Variants in NPAS3 observed in about 807,000 individuals in gnomAD.
NPAS3 encodes the protein neuronal PAS domain-containing protein 3.
In NPAS3, 14 loss-of-function variants were observed where a neutral mutation model predicts 73.1. The ratio of observed to expected loss-of-function variants is 0.19; its 90% confidence interval spans 0.13 to 0.30. NPAS3 has a LOEUF of 0.30. Ranked by LOEUF, NPAS3 falls within the 10% of genes least tolerant of loss-of-function variation. The pLI, the probability that NPAS3 is intolerant of heterozygous loss-of-function variation, is 1.00. For synonymous variants in NPAS3, 620 were observed against 541.5 expected, an observed-to-expected ratio of 1.14 and a Z score of -2.01; for missense variants, 1,096 against 1,250.0, an observed-to-expected ratio of 0.88 and a Z score of 1.86.
rs150444491 is a variant in NPAS3, at chr14:33,204,337, G to A, written c.141-10845G>A. Among the ~76,000 whole-genome samples, 433 of 152,182 alleles carry A rather than the reference G, an allele frequency of 2.8e-3. 2 individuals carry two copies. Among genetic ancestry groups the A allele is most frequent in the African/African-American group, 9.9e-3 (412 of 41,502 alleles). ...TGCCATAGAGCCACCCTACCAGCAA[G>A]GGCCAAACCTACTGGAGATGGGAAG... is the stretch of plus-strand genomic sequence containing the variant. On this transcript the variant is annotated intron_variant, in intron 2 of 11. Coordinates refer to ENST00000356141, the Ensembl canonical transcript of NPAS3.
intron 4 of NPAS3, among the ~76,000 whole-genome samples, chr14:33,530,537 G>T (rs910096544): frequency 6.6e-5 from 10 of 152,008 alleles, no homozygotes; most frequent in African/African-American, 2.4e-4. Flanking sequence ...TTTCAAATTT[G>T]CAAGTTGTCA....
chr14:33,042,464 T>G (rs118178718), intron 1 of NPAS3, among the ~76,000 whole-genome samples: 1,586 of 152,324 alleles, frequency 0.01, 29 homozygotes, highest in Non-Finnish European at 0.01. Flanking sequence ...TTTGTGAAAT[T>G]TTATTAAGAT....
intron 4 of NPAS3, among the ~76,000 whole-genome samples, chr14:33,475,303 T>G (rs750030003): frequency 1.3e-5 from 2 of 152,176 alleles, no homozygotes; most frequent in African/African-American, 2.4e-5. Flanking sequence ...TTTCCCCTTT[T>G]GTTGTGTTTG....
At chr14:33,079,445 A>C (rs1016690171) in intron 2 of NPAS3, among the ~76,000 whole-genome samples, 26 of 150,316 alleles carry the variant, frequency 1.7e-4, no homozygotes, top group African/African-American at 6.1e-4. Flanking sequence ...CAGCCTCCCG[A>C]GTAGCTGGGA....
intron 5 of NPAS3, among the ~76,000 whole-genome samples, chr14:33,657,669 C>G (rs1438718263): frequency 6.6e-6 from 1 of 152,182 alleles, no homozygotes; most frequent in African/African-American, 2.4e-5. Context: ...TAATACTTCC[C>G]TAGACCCGGT....
rs762217996 is a variant in NPAS3, at chr14:33,800,956, A to G, written c.2649A>G (p.Gly883=). The G allele has an allele frequency of 2.7e-5, 43 of 1,602,382 alleles. No homozygotes were observed. Among genetic ancestry groups the G allele is most frequent in the Non-Finnish European group, 3.6e-5 (42 of 1,175,210 alleles). ...ACGTGCACCGGCTCAACATGTCAGG[A>G]CCGTTCGGCGGCGCAGTGAGCGCAG... is the stretch of plus-strand genomic sequence containing the variant. Residue 883 remains glycine, a synonymous_variant, in exon 12 of 12, where the codon GGA becomes GGG. Transcript: ENST00000356141. This position sits in a 1 kb window ranked among gnomAD's most constrained non-coding sequence, Gnocchi z 6.5.
At chr14:33,213,248 T>G (rs548215059) in intron 2 of NPAS3, among the ~76,000 whole-genome samples, 38 of 142,560 alleles carry the variant, frequency 2.7e-4, no homozygotes, top group African/African-American at 9.6e-4. Context: ...CAAAAAAAAA[T>G]TGTAAGTTTA....
intron 2 of NPAS3, among the ~76,000 whole-genome samples, chr14:33,119,099 A>G (rs982879363): frequency 2.6e-5 from 4 of 152,036 alleles, no homozygotes; most frequent in Non-Finnish European, 5.9e-5. Flanking sequence ...AAGTATTACT[A>G]TATACCAGCA....
chr14:33,308,531 T>TACACACACACACAC (rs550021518), intron 3 of NPAS3, among the ~76,000 whole-genome samples: 28 of 115,976 alleles, frequency 2.4e-4, no homozygotes, highest in African/African-American at 1.0e-3. Flanking sequence ...TATATATACA[T>TACACACACACACAC]ACACACACAC....
At chr14:33,703,534 C>T (rs1433721630) in intron 6 of NPAS3, among the ~76,000 whole-genome samples, 1 of 152,010 alleles carries the variant, frequency 6.6e-6, no homozygotes, top group Non-Finnish European at 1.5e-5. Context: ...CATTTATTCT[C>T]ATAAGTCTTA....
At chr14:32,938,855 CCCT>C (rs1039037726), upstream of NPAS3, among the ~76,000 whole-genome samples, 7 of 145,806 alleles carry the variant, frequency 4.8e-5, no homozygotes, top group Non-Finnish European at 7.6e-5. Flanking sequence ...CGCCGCCTCC[CCCT>C]CCTCCTCCTC....
intron 2 of NPAS3, among the ~76,000 whole-genome samples, chr14:33,183,155 G>A (rs1026172876): frequency 6.6e-6 from 1 of 152,140 alleles, no homozygotes; most frequent in Non-Finnish European, 1.5e-5. Context: ...GCTGGGTGCG[G>A]TGGCTCATGC....
At chr14:33,681,986 T>G (rs1395635339) in intron 6 of NPAS3, among the ~76,000 whole-genome samples, 1 of 152,248 alleles carries the variant, frequency 6.6e-6, no homozygotes, top group Non-Finnish European at 1.5e-5. Flanking sequence ...GGAATTTGTT[T>G]GGACAATTAC....
At chr14:33,085,622 CT>C (rs954495484) in intron 2 of NPAS3, among the ~76,000 whole-genome samples, 16 of 151,692 alleles carry the variant, frequency 1.1e-4, no homozygotes, top group Admixed American at 5.9e-4. Context: ...CCCCAACACA[CT>C]TTTTTTTTCT....
intron 2 of NPAS3, among the ~76,000 whole-genome samples, chr14:33,099,885 A>G (rs1423854137): frequency 6.6e-6 from 1 of 152,176 alleles, no homozygotes; most frequent in Non-Finnish European, 1.5e-5. Flanking sequence ...ATTTGAAAAC[A>G]CTGGTGTCCA....
intron 3 of NPAS3, among the ~76,000 whole-genome samples, chr14:33,237,782 G>C (rs1351653968): frequency 5.9e-5 from 9 of 151,618 alleles, no homozygotes; most frequent in Non-Finnish European, 7.4e-5. Flanking sequence ...TTTATTTATA[G>C]AACTTAATGC....
intron 4 of NPAS3, among the ~76,000 whole-genome samples, chr14:33,534,954 A>T (rs927854032): frequency 6.6e-6 from 1 of 152,216 alleles, no homozygotes; most frequent in African/African-American, 2.4e-5. Flanking sequence ...GCCACAGGAC[A>T]TAATGCTCAT....
chr14:33,242,013 A>G (rs1018111685), intron 3 of NPAS3, among the ~76,000 whole-genome samples: 1 of 152,058 alleles, frequency 6.6e-6, no homozygotes, highest in African/African-American at 2.4e-5. Flanking sequence ...CCTTGTAAGT[A>G]GCAATTCTGA....
chr14:32,989,990 A>T (rs769465748), intron 1 of NPAS3, among the ~76,000 whole-genome samples: 2 of 152,196 alleles, frequency 1.3e-5, no homozygotes, highest in Non-Finnish European at 2.9e-5. Flanking sequence ...ACACAAACTA[A>T]TTAGTGAATG....
Sources: gnomAD v4.1 joint callset for allele counts (sites outside exome capture counted in the v4.1 genomes callset) on GRCh38, gnomAD v4.1.1 for gene constraint, Gnocchi (gnomAD v3.1) non-coding constraint, MANE v1.5 for transcripts, NCBI Gene and HGNC (gene_info 2026-07-23, HGNC 2026-07-21) for gene names.